SETMAR: variants seen among roughly 807,000 people sequenced by gnomAD.
SETMAR encodes SET and mariner transposase domain methyltransferase.
SETMAR carries 44 observed loss-of-function variants against 58.4 expected under a neutral mutation model. The observed-to-expected ratio is 0.75, with a 90% CI of 0.59 to 0.97. The LOEUF (loss-of-function observed/expected upper bound fraction) is 0.97, where lower values mean the gene tolerates loss of function less well. SETMAR is among the 50% of genes least tolerant of loss of function. SETMAR has a pLI of 0.00. For missense variants in SETMAR, 903 were observed against 840.2 expected (o/e 1.07, Z -0.92); for synonymous variants, 332 against 307.4 (o/e 1.08, Z -0.84).
In SETMAR at chr3:4,306,179, G is replaced by A. The variant is rs550939446; in HGVS notation, c.156+2653G>A. On this transcript the variant is annotated intron_variant, in intron 1 of 2. Coordinates refer to ENST00000358065, the MANE Select transcript of SETMAR (RefSeq NM_006515.4). ...GCGTTTGAGACTATTCTATAAATCT[G>A]TTTCCAATCTTGAGTCATATTTTTC... 3.9e-5 allele frequency among the ~76,000 whole-genome samples: 6 copies of A among 152,192 alleles called. No individual in the cohort carries two copies. The East Asian group carries it at 9.7e-4, about 25-fold the overall frequency.
At chr3:4,304,463 C>T (rs1174031870) in intron 1 of SETMAR, among the ~76,000 whole-genome samples, 1 of 152,200 alleles carries the variant, frequency 6.6e-6, no homozygotes, top group African/African-American at 2.4e-5. Flanking sequence ...CTTATCCCTC[C>T]GACCTTGGCC....
chr3:4,316,657 T>A lies in SETMAR; in HGVS notation c.1466T>A (p.Leu489His), dbSNP rs1418969726. The A allele has an allele frequency of 6.4e-7, 1 of 1,551,206 alleles. No individual in the cohort carries two copies. The highest frequency in any genetic ancestry group is 1.2e-5 in the South Asian group (1 of 84,052). The change falls in exon 3 of 3, where the codon CTC (leucine) becomes CAC (histidine). Residue 489 changes from leucine to histidine, a missense_variant. Leu to His is a moderately conservative substitution (Grantham distance 99). Coordinates refer to ENST00000358065, the MANE Select transcript of SETMAR (RefSeq NM_006515.4). ...CTACGCAACCACAACGAACCATTTCTCGATCGGATTGTGACGTGTGATGAA... is the reference window on the plus strand; with the variant it reads ...CTACGCAACCACAACGAACCATTTCACGATCGGATTGTGACGTGTGATGAA... ...LILRNHNEPFLDRIVTCDEKW... is the reference protein window; with the variant it reads ...LILRNHNEPFHDRIVTCDEKW...
chr3:4,313,404 C>G lies in SETMAR; in HGVS notation c.663C>G (p.Phe221Leu). 6.2e-7 allele frequency: 1 copy of G among 1,613,876 alleles called. No homozygotes were observed. The highest frequency in any genetic ancestry group is 8.5e-7 in the Non-Finnish European group (1 of 1,179,916). The change falls in exon 2 of 3, where the codon TTC becomes TTG. Residue 221 changes from phenylalanine (F) to leucine (L), a missense_variant. Physicochemically the swap from Phe to Leu is conservative, Grantham distance 22. Coordinates refer to ENST00000358065, the MANE Select transcript of SETMAR (RefSeq NM_006515.4). ...CTTATATAGGAAATATTGGAAGATT[C>G]CTTAATCATTCTTGTGAGCCAAACC... ...DPTYIGNIGR[F>L]LNHSCEPNLL...
At position 4,316,916 on chromosome 3, in the gene SETMAR, G is replaced by A. The variant is rs1044094439; in HGVS notation, c.1725G>A (p.Leu575=). 8 of 1,549,276 alleles carry A rather than the reference G, an allele frequency of 5.2e-6. No homozygotes were observed. The African/African-American group carries it at 1.1e-4, about 21-fold the overall frequency. Residue 575 remains leucine (L), a synonymous_variant, in exon 3 of 3, where the codon CTG becomes CTA. Coordinates refer to ENST00000358065, the MANE Select transcript of SETMAR (RefSeq NM_006515.4). ...EMNQKLQRLQ[L]ALVNRKGPIL... is the part of the protein sequence containing the mutation. Reference sequence around the variant, plus strand: ...ACCAAAAACTGCAACGCCTGCAGCTGGCATTGGTCAACAGAAAGGGCCCAA... The same window carrying A: ...ACCAAAAACTGCAACGCCTGCAGCTAGCATTGGTCAACAGAAAGGGCCCAA...
chr3:4,313,591 A>G lies in SETMAR; in HGVS notation c.850A>G (p.Arg284Gly). The G allele has an allele frequency of 6.2e-7, 1 of 1,614,110 alleles. No homozygotes were observed. Among genetic ancestry groups the G allele is most frequent in the Admixed American group, 1.7e-5 (1 of 59,990 alleles). Residue 284 changes from arginine (R) to glycine (G), a missense_variant, in exon 2 of 3, where the codon AGG becomes GGG. Physicochemically the swap from Arg to Gly is moderately radical, Grantham distance 125. Transcript: ENST00000358065. The stretch of plus-strand genomic sequence containing the variant: ...AGAAAGGCTAGATCATGGGAAACTA[A>G]GGAAACCTTGTTACTGTGGTGCCAA... ...DKERLDHGKL[R>G]KPCYCGAKSC...
chr3:4,312,657 A>T (rs890178259), intron 1 of SETMAR, among the ~76,000 whole-genome samples: 8 of 151,422 alleles, frequency 5.3e-5, no homozygotes, highest in African/African-American at 7.3e-5. Context: ...AACTGTGATC[A>T]CAGCACTGCA....
chr3:4,316,917 G>T lies in SETMAR; in HGVS notation c.1726G>T (p.Ala576Ser), dbSNP rs568591468. Residue 576 changes from alanine to serine, a missense_variant, in exon 3 of 3, where the codon GCA becomes TCA. Physicochemically the swap from Ala to Ser is moderately conservative, Grantham distance 99 (BLOSUM62 1). Coordinates refer to ENST00000358065, the MANE Select transcript of SETMAR (RefSeq NM_006515.4). ...CCAAAAACTGCAACGCCTGCAGCTG[G>T]CATTGGTCAACAGAAAGGGCCCAAT... Reference protein sequence around the residue: ...MNQKLQRLQLALVNRKGPILL... With the variant: ...MNQKLQRLQLSLVNRKGPILL... 6.5e-6 allele frequency: 10 copies of T among 1,549,370 alleles called. No individual in the cohort carries two copies. The highest frequency in any genetic ancestry group is 2.0e-5 in the Admixed American group (1 of 50,984).
intron 1 of SETMAR, among the ~76,000 whole-genome samples, chr3:4,304,478 C>T (rs1464672549): frequency 6.6e-6 from 1 of 152,152 alleles, no homozygotes; most frequent in Non-Finnish European, 1.5e-5. Context: ...TTGGCCTGAG[C>T]GTTACCCAAG....
chr3:4,316,711 G>T lies in SETMAR; in HGVS notation c.1520G>T (p.Arg507Leu). 6.4e-7 allele frequency: 1 copy of T among 1,550,940 alleles called. No homozygotes were observed. Residue 507 changes from arginine to leucine, a missense_variant, in exon 3 of 3, where the codon CGA (arginine) becomes CTA (leucine). Physicochemically the swap from Arg to Leu is moderately radical, Grantham distance 102. Coordinates refer to ENST00000358065, the MANE Select transcript of SETMAR (RefSeq NM_006515.4). ...EKWILYDNRR[R>L]SAQWLDQEEA... ...TGGATTTTATATGACAACCGGCGAC[G>T]ATCAGCTCAGTGGTTGGATCAAGAA...
chr3:4,311,624 A>G (rs1013179460), intron 1 of SETMAR, among the ~76,000 whole-genome samples: 1 of 152,226 alleles, frequency 6.6e-6, no homozygotes, highest in African/African-American at 2.4e-5. Context: ...CAAGCTATGT[A>G]TCTAATCATA....
intron 2 of SETMAR, among the ~76,000 whole-genome samples, chr3:4,315,495 A>G (rs982745128): frequency 8.5e-5 from 13 of 152,078 alleles, no homozygotes; most frequent in African/African-American, 2.9e-4. Context: ...CTGAATATGG[A>G]CCCCTGGAAA....
chr3:4,304,934 C>T (rs1698124998), intron 1 of SETMAR, among the ~76,000 whole-genome samples: 1 of 149,246 alleles, frequency 6.7e-6, no homozygotes, highest in African/African-American at 2.5e-5. Flanking sequence ...TTAACATGTA[C>T]ATGGGTTTGG....
At chr3:4,305,316 C>T (rs907426483) in intron 1 of SETMAR, among the ~76,000 whole-genome samples, 4 of 152,114 alleles carry the variant, frequency 2.6e-5, no homozygotes, top group African/African-American at 9.7e-5. Flanking sequence ...AAACTCCTGA[C>T]CTCAAGTGAT....
chr3:4,312,659 A>AGCACT (rs1698452307), intron 1 of SETMAR, among the ~76,000 whole-genome samples: 1 of 151,224 alleles, frequency 6.6e-6, no homozygotes, highest in Non-Finnish European at 1.5e-5. Flanking sequence ...CTGTGATCAC[A>AGCACT]GCACTGCACT....
Position 4,313,369 on chromosome 3 carries a change from G to T in SETMAR, c.628G>T (p.Val210Phe). Residue 210 changes from valine to phenylalanine, a missense_variant, in exon 2 of 3, where the codon GTT (valine) becomes TTT (phenylalanine). Transcript: ENST00000358065. ...TAATGGGCAGGTAATGGAAACATTTGTTGACCCTACTTATATAGGAAATAT... is the reference window on the plus strand; with the variant it reads ...TAATGGGCAGGTAATGGAAACATTTTTTGACCCTACTTATATAGGAAATAT... The part of the protein sequence containing the change: ...VYNGQVMETF[V>F]DPTYIGNIGR... The T allele has an allele frequency of 6.2e-7, 1 of 1,613,932 alleles. No homozygotes were observed. Among genetic ancestry groups the T allele is most frequent in the Non-Finnish European group, 8.5e-7 (1 of 1,179,904 alleles).
At chr3:4,303,900 C>T (rs1179839524) in intron 1 of SETMAR, 4 of 1,238,394 alleles carry the variant, frequency 3.2e-6, no homozygotes, top group Non-Finnish European at 4.2e-6. Context: ...ATTAATGGAT[C>T]GCAGCCGGTG....
intron 2 of SETMAR, 101 bp downstream of exon 2, chr3:4,313,862 T>A (rs147603253): frequency 1.8e-5 from 28 of 1,554,742 alleles, no homozygotes; most frequent in Non-Finnish European, 2.3e-5. Flanking sequence ...AACTCAGGAA[T>A]GTGGCAGAGA....
chr3:4,310,540 G>A (rs1698363171), intron 1 of SETMAR, among the ~76,000 whole-genome samples: 1 of 152,132 alleles, frequency 6.6e-6, no homozygotes, highest in Non-Finnish European at 1.5e-5. Flanking sequence ...TTTCCCAGAA[G>A]TCTCTGTTTT....
At chr3:4,303,838 T>G (rs893700638) in intron 1 of SETMAR, 2 of 1,343,606 alleles carry the variant, frequency 1.5e-6, no homozygotes, top group African/African-American at 1.5e-5. Context: ...GGGGAGTCAT[T>G]TACCTCCCTG....
Sources: gnomAD v4.1 joint callset for allele counts (sites outside exome capture counted in the v4.1 genomes callset) on GRCh38, gnomAD v4.1.1 for gene constraint, MANE v1.5 for transcripts, NCBI Gene and HGNC (gene_info 2026-07-23, HGNC 2026-07-21) for gene names.